URI1: variants seen among roughly 807,000 people sequenced by gnomAD.
The protein encoded by URI1 is URI1 prefoldin like chaperone.
In URI1, 39 loss-of-function variants were observed where a neutral mutation model predicts 60.2. The ratio of observed to expected loss-of-function variants is 0.65; its 90% CI spans 0.50 to 0.85. The LOEUF (loss-of-function observed/expected upper bound fraction) is 0.85. Among genes scored for constraint, URI1 ranks in the 40% least tolerant of loss-of-function variants. The probability of loss-of-function intolerance (pLI) is 0.00; values close to 1 mark genes in which losing one functional copy is unlikely to be tolerated. For synonymous variants in URI1, 251 were observed against 236.8 expected (o/e 1.06, Z -0.55); for missense variants, 691 against 665.9 (o/e 1.04, Z -0.42).
At chr19:29,985,156 A>ACTTT in intron 2 of URI1, 67 bp from the exon 3 acceptor site, 1 of 240,520 alleles carries the variant, frequency 4.2e-6, no homozygotes, top group Non-Finnish European at 7.6e-6. Context: ...AAAAAAAAAA[A>ACTTT]AAAAAAAAAA....
chr19:29,983,803 C>T (rs949314607), intron 2 of URI1, among the ~76,000 whole-genome samples: 29 of 152,236 alleles, frequency 1.9e-4, no homozygotes, highest in Non-Finnish European at 7.4e-5. Context: ...GAGTAAGGCC[C>T]ATAGCATGGA....
At chr19:29,958,094 A>G (rs2055274236) in intron 1 of URI1, 1 of 152,134 alleles carries the variant, frequency 6.6e-6, no homozygotes. Context: ...TGCCTGGCCT[A>G]AATTTATTTG....
intron 1 of URI1, among the ~76,000 whole-genome samples, chr19:29,955,440 C>T (rs1012504479): frequency 2.6e-5 from 4 of 152,036 alleles, no homozygotes; most frequent in Admixed American, 2.0e-4. Context: ...TGGGTAAAGT[C>T]CTAGAGTTGG....
chr19:29,971,861 C>T (rs994898000), intron 2 of URI1, among the ~76,000 whole-genome samples: 1 of 151,896 alleles, frequency 6.6e-6, no homozygotes, highest in African/African-American at 2.4e-5. Flanking sequence ...GTTGATCTTA[C>T]AGATATCAAA....
chr19:29,961,440 T>TA (rs1463389945), intron 1 of URI1, among the ~76,000 whole-genome samples: 1 of 152,180 alleles, frequency 6.6e-6, no homozygotes, highest in Non-Finnish European at 1.5e-5. Flanking sequence ...TTATTTCACT[T>TA]ACCATAATGT....
chr19:29,999,454 A>G (rs1424408007), intron 4 of URI1, among the ~76,000 whole-genome samples: 2 of 152,082 alleles, frequency 1.3e-5, no homozygotes, highest in Non-Finnish European at 1.5e-5. Context: ...GAATTCTTGG[A>G]TGAAGTATTT....
At chr19:29,991,761 C>A (rs904229878) in intron 4 of URI1, among the ~76,000 whole-genome samples, 2 of 152,084 alleles carry the variant, frequency 1.3e-5, no homozygotes, top group African/African-American at 4.8e-5. Flanking sequence ...TTAATACTCC[C>A]TATAAGTTTA....
upstream of URI1, among the ~76,000 whole-genome samples, chr19:29,937,301 A>T (rs2145208682): frequency 1.3e-5 from 2 of 152,232 alleles, no homozygotes; most frequent in Middle Eastern, 3.4e-3. Context: ...CCTTTAGCTC[A>T]TTGGGTGTAA....
At chr19:29,961,675 G>GTTTTTTTTT (rs200425572) in intron 1 of URI1, among the ~76,000 whole-genome samples, 3 of 117,634 alleles carry the variant, frequency 2.6e-5, no homozygotes, top group African/African-American at 3.1e-5. Context: ...TTTTTTTTTT[G>GTTTTTTTTT]TTTTTTTTTT....
At chr19:29,964,452 G>GT (rs1380907956) in intron 1 of URI1, among the ~76,000 whole-genome samples, 30 of 137,294 alleles carry the variant, frequency 2.2e-4, no homozygotes, top group African/African-American at 7.1e-4. Flanking sequence ...TTTTGTTTTT[G>GT]TTTTTTGTTT....
At position 30,011,164 on chromosome 19, in the gene URI1, G is replaced by A. The variant is rs771507685; in HGVS notation, c.1106G>A (p.Arg369Gln). ...SEKKEEAKRK[R>Q]KNSTGSGHSA... ...AAGAAAGAAGAAGCCAAACGTAAAC[G>A]AAAGAACAGCACTGGCAGTGGCCAC... The change falls in exon 9 of 11, where the codon CGA (arginine) becomes CAA (glutamine). Residue 369 changes from arginine to glutamine, a missense_variant. Physicochemically the swap from Arg to Gln is conservative, Grantham distance 43. Coordinates refer to ENST00000392271, the MANE Select transcript of URI1 (RefSeq NM_003796.3). 7.4e-6 allele frequency: 12 copies of A among 1,612,860 alleles called. No individual in the cohort carries two copies. The highest frequency in any genetic ancestry group is 3.3e-5 in the Admixed American group (2 of 59,752).
At chr19:30,002,876 C>T (rs10424466) in intron 4 of URI1, among the ~76,000 whole-genome samples, 2,522 of 151,866 alleles carry the variant, frequency 0.017, 76 homozygotes, top group African/African-American at 0.058. Context: ...GTGTTATTTG[C>T]TATAATTTCA....
At position 30,015,825 on chromosome 19, in the gene URI1, T is replaced by C. The variant is rs2056079108; in HGVS notation, c.*756T>C. ...TTCAGTTCCTCAGATACTTCTCCCTTAGTTTTTGCAGTTTCACTGGGATTA... is the reference window on the plus strand; with the variant it reads ...TTCAGTTCCTCAGATACTTCTCCCTCAGTTTTTGCAGTTTCACTGGGATTA... On this transcript the variant is annotated 3_prime_UTR_variant, in exon 11 of 11. Coordinates refer to ENST00000392271, the MANE Select transcript of URI1 (RefSeq NM_003796.3). 1 of 390,144 alleles carries C rather than the reference T, an allele frequency of 2.6e-6. No individual in the cohort carries two copies. The highest frequency in any genetic ancestry group is 7.7e-5 in the South Asian group (1 of 13,010). 24.2% of individuals were successfully genotyped at this position (390,144 alleles called of 1,614,324 possible).
intron 9 of URI1, among the ~76,000 whole-genome samples, chr19:30,011,942 A>C (rs938666420): frequency 2.0e-5 from 3 of 151,974 alleles, no homozygotes; most frequent in African/African-American, 7.2e-5. Flanking sequence ...AGATACACCT[A>C]ATGTAAATGA....
At chr19:29,996,783 T>C (rs1037505203) in intron 4 of URI1, among the ~76,000 whole-genome samples, 6 of 152,046 alleles carry the variant, frequency 3.9e-5, no homozygotes, top group Non-Finnish European at 7.4e-5. Flanking sequence ...TCCCTTCTGT[T>C]TCTAATTTAT....
rs1159325788 is a variant in URI1, at chr19:30,012,324, C to G, written c.1218C>G (p.Arg406=). 6 of 1,614,008 alleles carry G rather than the reference C, an allele frequency of 3.7e-6. No homozygotes were observed. The highest frequency in any genetic ancestry group is 5.1e-6 in the Non-Finnish European group (6 of 1,179,996). Residue 406 remains arginine (R), a synonymous_variant, in exon 10 of 11, where the codon CGC becomes CGG. Coordinates refer to ENST00000392271, the MANE Select transcript of URI1 (RefSeq NM_003796.3). ...TTGTGAATGGAGAATATGTCCCTCG[C>G]AAATCCATCCTGAAGTCTCGAAGTA... ...VDVVNGEYVP[R]KSILKSRSRE...
intron 4 of URI1, among the ~76,000 whole-genome samples, chr19:30,001,447 C>T (rs534285499): frequency 6.6e-6 from 1 of 151,844 alleles, no homozygotes; most frequent in African/African-American, 2.4e-5. Context: ...GGAATTAATC[C>T]TCCTGGTTTC....
Position 30,009,077 on chromosome 19 carries a change from A to G in URI1, c.759A>G (p.Thr253=). 6.2e-7 allele frequency: 1 copy of G among 1,614,006 alleles called. No individual in the cohort carries two copies. Among genetic ancestry groups the G allele is most frequent in the Non-Finnish European group, 8.5e-7 (1 of 1,179,936 alleles). The change falls in exon 8 of 11, where the codon ACA becomes ACG. Residue 253 remains threonine (T), a synonymous_variant. Coordinates refer to ENST00000392271, the MANE Select transcript of URI1 (RefSeq NM_003796.3). Reference sequence around the variant, plus strand: ...AAGAGGAAAAGGAAGATCGTAACACAAATGTGAATGCGATGCATCAAGTAA... The same window carrying G: ...AAGAGGAAAAGGAAGATCGTAACACGAATGTGAATGCGATGCATCAAGTAA... ...SSEEEKEDRN[T]NVNAMHQVTD...
intron 4 of URI1, among the ~76,000 whole-genome samples, chr19:29,992,655 G>A (rs2055761288): frequency 6.6e-6 from 1 of 152,136 alleles, no homozygotes; most frequent in Non-Finnish European, 1.5e-5. Flanking sequence ...GAACTTAAAA[G>A]TTTTACTCTA....
Sources: gnomAD v4.1 joint callset for allele counts (sites outside exome capture counted in the v4.1 genomes callset) on GRCh38, gnomAD v4.1.1 for gene constraint, MANE v1.5 for transcripts, NCBI Gene and HGNC (gene_info 2026-07-23, HGNC 2026-07-21) for gene names.